Variants in RGS14 observed in about 807,000 individuals in gnomAD.
RGS14 encodes the protein regulator of G-protein signaling 14.
In RGS14, 33 loss-of-function variants were observed where a neutral mutation model predicts 63.8. That is an observed-to-expected ratio of 0.52 (90% confidence interval 0.39 to 0.69). The LOEUF (loss-of-function observed/expected upper bound fraction) is 0.69, where lower values mean the gene tolerates loss of function less well. RGS14 is among the 30% of genes least tolerant of loss of function. RGS14 has a pLI of 0.00. For missense variants in RGS14, 739 were observed against 742.9 expected, an observed-to-expected ratio of 0.99 and a Z score of 0.06; for synonymous variants, 296 against 320.9, an observed-to-expected ratio of 0.92 and a Z score of 0.83.
chr5:177,370,727 G>C (rs1178006549), intron 10 of RGS14, 63 bp downstream of exon 10: 7 of 1,581,524 alleles, frequency 4.4e-6, no homozygotes, highest in Non-Finnish European at 6.1e-6. Context: ...CCCTGTTCTA[G>C]CTACCTGGCT....
intron 6 of RGS14, 50 bp from the exon 7 acceptor site, chr5:177,367,664 C>T: frequency 6.3e-7 from 1 of 1,594,926 alleles, no homozygotes; most frequent in Non-Finnish European, 8.5e-7. Flanking sequence ...CCACGGTCTG[C>T]ATGCGGGCTG....
Position 177,358,022 on chromosome 5 carries a change from G to C in RGS14, c.-3G>C. On this transcript the variant is annotated 5_prime_UTR_variant, in exon 1 of 15. Coordinates refer to ENST00000408923, the MANE Select transcript of RGS14 (RefSeq NM_006480.5). The surrounding 1 kb of genome is among the most constrained non-coding windows in gnomAD (Gnocchi z 4.8). ...GCGGCGGGGACCCCTGATCGGCAGC[G>C]GCATGCCAGGGAAGCCCAAGCACCT... 7.4e-7 allele frequency: 1 copy of C among 1,359,120 alleles called. No homozygotes were observed. The highest frequency in any genetic ancestry group is 9.6e-7 in the Non-Finnish European group (1 of 1,045,988). 84.2% of individuals were successfully genotyped at this position (1,359,120 alleles called of 1,614,324 possible). A position where few individuals can be genotyped will look rare whatever the true frequency, so the allele number is the denominator to read the frequency against.
Position 177,367,455 on chromosome 5 carries a change from C to T in RGS14, c.525C>T (p.Val175=). ...AGTTCGACAGCTATGCGCGCTTCGT[C>T]AAGTCCCCGCTGTACCGCGAGTGCC... The part of the protein sequence containing the change: ...LMKFDSYARF[V]KSPLYRECLL... Residue 175 remains valine (V), a synonymous_variant, in exon 6 of 15, where the codon GTC becomes GTT. Coordinates refer to ENST00000408923, the MANE Select transcript of RGS14 (RefSeq NM_006480.5). The T allele has an allele frequency of 6.2e-7, 1 of 1,612,158 alleles. No individual in the cohort carries two copies. The highest frequency in any genetic ancestry group is 8.5e-7 in the Non-Finnish European group (1 of 1,179,216).
chr5:177,366,806 G>C lies in RGS14; in HGVS notation c.339+6G>C, dbSNP rs1249788519. On this transcript the variant is annotated splice_donor_region_variant and intron_variant, in intron 4 of 14. Transcript: ENST00000408923. ...CGGCCAGCGATACCCAGCAGGTGGG[G>C]GAAGGGGGAGCTGGGGCCGAGGGCT... The C allele has an allele frequency of 1.2e-6, 2 of 1,614,182 alleles. No individual in the cohort carries two copies. Among genetic ancestry groups the C allele is most frequent in the Admixed American group, 3.3e-5 (2 of 60,020 alleles).
Position 177,372,159 on chromosome 5 carries a change from C to A in RGS14, c.*84C>A. On this transcript the variant is annotated 3_prime_UTR_variant, in exon 15 of 15. Transcript: ENST00000408923. ...GTCCGCTCTGCATGCCCTGTCTGTG[C>A]CATGAGTGTCCCTGGCCCCTTCCTG... The A allele has an allele frequency of 4.5e-6, 6 of 1,332,140 alleles. No homozygotes were observed. Among genetic ancestry groups the A allele is most frequent in the Non-Finnish European group, 6.3e-6 (6 of 953,474 alleles). 82.5% of individuals were successfully genotyped at this position (1,332,140 alleles called of 1,614,324 possible).
intron 9 of RGS14, 90 bp from the exon 10 acceptor site, chr5:177,370,501 C>T (rs1581623094): frequency 8.8e-7 from 1 of 1,142,704 alleles, no homozygotes; most frequent in East Asian, 2.4e-5. Flanking sequence ...CAGTGGTGGC[C>T]ATGGGAGGGC....
intron 1 of RGS14, among the ~76,000 whole-genome samples, chr5:177,361,611 T>C (rs1178240308): frequency 6.6e-6 from 1 of 152,072 alleles, no homozygotes; most frequent in Non-Finnish European, 1.5e-5. Flanking sequence ...CTCAGTTTCC[T>C]CATCTGTAAA....
chr5:177,369,188 C>G, intron 9 of RGS14: 1 of 510,612 alleles, frequency 2.0e-6, no homozygotes, highest in Non-Finnish European at 3.6e-6. Context: ...GGGGTTTGCC[C>G]CTCATCATTC....
At chr5:177,362,516 G>A (rs1037889478) in intron 1 of RGS14, among the ~76,000 whole-genome samples, 2 of 152,210 alleles carry the variant, frequency 1.3e-5, no homozygotes, top group Non-Finnish European at 2.9e-5. Context: ...GGCATTCAAG[G>A]GGCCTGGTGT....
rs1433199347 is a variant in RGS14 at position 177,371,303 on chromosome 5, G to T, written c.1337-47G>T. The T allele has an allele frequency of 6.2e-7, 1 of 1,614,064 alleles. No homozygotes were observed. Among genetic ancestry groups the T allele is most frequent in the Non-Finnish European group, 8.5e-7 (1 of 1,179,932 alleles). ...GAACAGCTGTGGCCCAGGAGGAAGG[G>T]GGTCCAGGTGGGAGGCAAACACTAA... On this transcript the variant is annotated intron_variant, in intron 12 of 14. Coordinates refer to ENST00000408923, the MANE Select transcript of RGS14 (RefSeq NM_006480.5). This position sits in a 1 kb window ranked among gnomAD's most constrained non-coding sequence, Gnocchi z 6.1.
rs980155378 is a variant in RGS14, at chr5:177,371,980, C to A, written c.1606C>A (p.Gln536Lys). 3 of 1,614,142 alleles carry A rather than the reference C, an allele frequency of 1.9e-6. No homozygotes were observed. Among genetic ancestry groups the A allele is most frequent in the Non-Finnish European group, 2.5e-6 (3 of 1,180,010 alleles). ...VLPEFLQLPA[Q>K]GPSSEETPPQ... ...TCCAGAATTTCTGCAGCTGCCCGCC[C>A]AAGGGCCCAGCTCCGAGGAGACCCC... The change falls in exon 15 of 15, where the codon CAA (glutamine) becomes AAA (lysine). Residue 536 changes from glutamine to lysine, a missense_variant. Coordinates refer to ENST00000408923, the MANE Select transcript of RGS14 (RefSeq NM_006480.5). This position sits in a 1 kb window ranked among gnomAD's most constrained non-coding sequence, Gnocchi z 6.1.
Position 177,371,072 on chromosome 5 carries a change from G to GGCGGGGCCGGGCCGGGC in RGS14, c.1254+41_1254+42insGCGGGGCCGGGCCGGGC, listed in dbSNP as rs1762243929. On this transcript the variant is annotated intron_variant, in intron 11 of 14. Coordinates refer to ENST00000408923, the MANE Select transcript of RGS14 (RefSeq NM_006480.5). The surrounding 1 kb of genome is among the most constrained non-coding windows in gnomAD (Gnocchi z 6.1). ...GCGGGGCGGGGCGGGGCGGGGCCGG[G>GGCGGGGCCGGGCCGGGC]CCGGGGCCGGGGCCGGGGCCGGGGC... 1 of 162,356 alleles carries GGCGGGGCCGGGCCGGGC rather than the reference G, an allele frequency of 6.2e-6. No homozygotes were observed. Among genetic ancestry groups the GGCGGGGCCGGGCCGGGC allele is most frequent in the African/African-American group, 7.5e-5 (1 of 13,404 alleles). The allele number at this position is 162,356 out of a possible 1,614,324, so 10.1% of individuals were successfully genotyped here.
At chr5:177,368,989 T>G in intron 9 of RGS14, 69 bp downstream of exon 9, 2 of 1,480,166 alleles carry the variant, frequency 1.4e-6, no homozygotes, top group Non-Finnish European at 1.9e-6. Context: ...TTTCTGTCTC[T>G]GCTCAGTCAT....
chr5:177,370,315 C>T (rs1294025513), intron 9 of RGS14, among the ~76,000 whole-genome samples: 1 of 152,228 alleles, frequency 6.6e-6, no homozygotes, highest in Non-Finnish European at 1.5e-5. Context: ...TGCCCCTTAT[C>T]ATTTCATGCC....
Position 177,371,994 on chromosome 5 carries a change from C to CG in RGS14, c.1621dup (p.Glu541GlyfsTer57). 6.2e-7 allele frequency: 1 copy of CG among 1,614,140 alleles called. No homozygotes were observed. On this transcript the variant is annotated frameshift_variant, in exon 15 of 15. Transcript: ENST00000408923. LOFTEE classifies it low-confidence loss of function (END_TRUNC). The surrounding 1 kb of genome is among the most constrained non-coding windows in gnomAD (Gnocchi z 6.1). The stretch of plus-strand genomic sequence containing the variant: ...AGCTGCCCGCCCAAGGGCCCAGCTC[C>CG]GAGGAGACCCCACCACAGACCAAAT...
chr5:177,366,104 TG>T, intron 2 of RGS14, 72 bp from the exon 3 acceptor site: 1 of 1,519,808 alleles, frequency 6.6e-7, no homozygotes, highest in African/African-American at 1.5e-5. Context: ...AGTGGATGCA[TG>T]GGGGAGGGTG....
In RGS14 at chr5:177,372,180, T is replaced by C; in HGVS notation, c.*105T>C. 12 of 1,175,958 alleles carry C rather than the reference T, an allele frequency of 1.0e-5. No individual in the cohort carries two copies. 72.8% of individuals were successfully genotyped at this position (1,175,958 alleles called of 1,614,324 possible). On this transcript the variant is annotated 3_prime_UTR_variant, in exon 15 of 15. Coordinates refer to ENST00000408923, the MANE Select transcript of RGS14 (RefSeq NM_006480.5). ...TGTGCCATGAGTGTCCCTGGCCCCT[T>C]CCTGCCATGGGCAGGCCCGCAGGAA...
chr5:177,363,256 G>A (rs1234311366), intron 1 of RGS14, among the ~76,000 whole-genome samples: 1 of 152,120 alleles, frequency 6.6e-6, no homozygotes, highest in Non-Finnish European at 1.5e-5. Flanking sequence ...ACTTTCGTTG[G>A]GGGATTTGAC....
chr5:177,370,877 C>T (rs746203279), intron 10 of RGS14, 28 bp from the exon 11 acceptor site: 8 of 1,581,794 alleles, frequency 5.1e-6, no homozygotes, highest in South Asian at 1.1e-5. Context: ...GGCCCTCCGG[C>T]CCTCTGCTGC....
Sources: gnomAD v4.1 joint callset for allele counts (sites outside exome capture counted in the v4.1 genomes callset) on GRCh38, gnomAD v4.1.1 for gene constraint, Gnocchi (gnomAD v3.1) non-coding constraint, MANE v1.5 for transcripts, NCBI Gene and HGNC (gene_info 2026-07-23, HGNC 2026-07-21) for gene names.